Variants in SPECC1L observed in about 807,000 individuals in gnomAD.
SPECC1L encodes sperm antigen with calponin homology and coiled-coil domains 1 like, also known as cytospin-A.
In SPECC1L, 40 loss-of-function variants were observed where a neutral mutation model predicts 116.8. The observed-to-expected ratio is 0.34, with a 90% confidence interval of 0.27 to 0.45. The LOEUF is 0.45. Among genes scored for constraint, SPECC1L ranks in the 20% least tolerant of loss-of-function variants. SPECC1L has a pLI of 1.00. For synonymous variants in SPECC1L, 504 were observed against 500.6 expected (o/e 1.01, Z -0.09); for missense variants, 1,110 against 1,373.6 (o/e 0.81, Z 3.03).
intron 4 of SPECC1L, among the ~76,000 whole-genome samples, chr22:24,315,310 C>T (rs2146448699): frequency 6.6e-6 from 1 of 152,370 alleles, no homozygotes; most frequent in East Asian, 1.9e-4. Context: ...TTCTGATTTA[C>T]AGGCATGATT....
chr22:24,414,486 C>T, intron 16 of SPECC1L, 48 bp from the exon 17 acceptor site: 2 of 1,541,152 alleles, frequency 1.3e-6, no homozygotes, highest in Non-Finnish European at 1.8e-6. Context: ...ATTGGCACAG[C>T]CTGGAGGTGA....
At chr22:24,346,279 T>TA (rs749900048) in intron 10 of SPECC1L, among the ~76,000 whole-genome samples, 1 of 152,148 alleles carries the variant, frequency 6.6e-6, no homozygotes, top group African/African-American at 2.4e-5. Context: ...GTGCTGGGAT[T>TA]AAGGCATGAG....
At chr22:24,285,304 C>T (rs758186047) in intron 2 of SPECC1L, among the ~76,000 whole-genome samples, 1 of 152,212 alleles carries the variant, frequency 6.6e-6, no homozygotes, top group Non-Finnish European at 1.5e-5. Context: ...TACTGTAATT[C>T]TGTGGGCTGA....
Position 24,322,021 on chromosome 22 carries a change from T to C in SPECC1L, c.1041T>C (p.Ser347=), listed in dbSNP as rs200756643. 2.1e-5 allele frequency: 34 copies of C among 1,614,034 alleles called. No homozygotes were observed. Among genetic ancestry groups the C allele is most frequent in the Non-Finnish European group, 2.8e-5 (33 of 1,180,024 alleles). ...QHSNSMDNLD[S]ECSEVYQPLT... is the part of the protein sequence containing the mutation. Reference sequence around the variant, plus strand: ...GTAACTCCATGGACAATTTAGACAGTGAGTGCAGTGAGGTCTACCAGCCCC... The same window carrying C: ...GTAACTCCATGGACAATTTAGACAGCGAGTGCAGTGAGGTCTACCAGCCCC... The change falls in exon 5 of 17, where the codon AGT becomes AGC. Residue 347 remains serine (S), a synonymous_variant. Coordinates refer to ENST00000314328, the MANE Select transcript of SPECC1L (RefSeq NM_015330.6).
At chr22:24,363,211 T>TA in intron 11 of SPECC1L, 50 bp from the exon 12 acceptor site, 1 of 1,504,442 alleles carries the variant, frequency 6.6e-7, no homozygotes, top group Non-Finnish European at 9.3e-7. Context: ...TTTATTACTT[T>TA]AAAGTTCAGC....
chr22:24,343,928 TC>T (rs1237576013), intron 10 of SPECC1L, among the ~76,000 whole-genome samples: 1 of 152,202 alleles, frequency 6.6e-6, no homozygotes, highest in Non-Finnish European at 1.5e-5. Flanking sequence ...CTTTACAACT[TC>T]CTGGGAATCC....
At chr22:24,361,227 A>G (rs2041636454) in intron 11 of SPECC1L, among the ~76,000 whole-genome samples, 1 of 151,974 alleles carries the variant, frequency 6.6e-6, no homozygotes, top group South Asian at 2.1e-4. Context: ...GTGAGACCTC[A>G]TCTCTGCAAA....
At chr22:24,314,508 T>G (rs1472419776) in intron 4 of SPECC1L, among the ~76,000 whole-genome samples, 2 of 152,258 alleles carry the variant, frequency 1.3e-5, no homozygotes, top group Non-Finnish European at 2.9e-5. Context: ...TATATTTGGA[T>G]CAGGACTCAT....
chr22:24,340,362 G>C (rs1456290950), intron 10 of SPECC1L, among the ~76,000 whole-genome samples: 1 of 151,920 alleles, frequency 6.6e-6, no homozygotes, highest in East Asian at 1.9e-4. Context: ...GGCCAAGCTG[G>C]TCTCAAATTC....
At chr22:24,347,259 T>G in intron 11 of SPECC1L, 83 bp downstream of exon 11, 1 of 993,332 alleles carries the variant, frequency 1.0e-6, no homozygotes, top group Non-Finnish European at 1.6e-6. Flanking sequence ...AATATTTTCT[T>G]TGCTCTTGAT....
chr22:24,278,013 G>A (rs567050274), intron 2 of SPECC1L, among the ~76,000 whole-genome samples: 44 of 152,220 alleles, frequency 2.9e-4, no homozygotes, highest in African/African-American at 6.7e-4. Flanking sequence ...AGGATTCCAC[G>A]TTCTCCACTT....
chr22:24,411,495 C>T, intron 14 of SPECC1L, 93 bp from the exon 15 acceptor site: 3 of 1,148,038 alleles, frequency 2.6e-6, no homozygotes, highest in Admixed American at 3.4e-5. Context: ...TTTTGGAGGC[C>T]ATGCAGCATC....
chr22:24,390,872 C>CTTTTTTTTTTTTTT lies in SPECC1L; in HGVS notation c.3088-20703_3088-20690dup, dbSNP rs1016008966. Among the ~76,000 whole-genome samples the CTTTTTTTTTTTTTT allele has an allele frequency of 1.2e-3, 67 of 57,106 alleles. 1 individual carries two copies. Among genetic ancestry groups the CTTTTTTTTTTTTTT allele is most frequent in the East Asian group, 1.7e-3 (3 of 1,778 alleles). 37.5% of individuals were successfully genotyped at this position (57,106 alleles called of 152,430 possible). A position where few individuals can be genotyped will look rare whatever the true frequency, so the allele number is the denominator to read the frequency against. ...TGTTCCTTTTTTTTTTTTTTCTTTT[C>CTTTTTTTTTTTTTT]TTTTTTTTTTTTTTTTTTTTTTTTT... On this transcript the variant is annotated intron_variant, in intron 14 of 16. Transcript: ENST00000314328.
chr22:24,369,352 T>A, intron 14 of SPECC1L, 32 bp downstream of exon 14: 1 of 1,536,774 alleles, frequency 6.5e-7, no homozygotes, highest in Non-Finnish European at 9.0e-7. Context: ...CCCATGTGAG[T>A]AATTGGCAAA....
chr22:24,400,573 G>A (rs965420969), intron 14 of SPECC1L, among the ~76,000 whole-genome samples: 1 of 152,134 alleles, frequency 6.6e-6, no homozygotes, highest in Non-Finnish European at 1.5e-5. Flanking sequence ...TCAGTTCTTT[G>A]AAGTATAGAC....
At chr22:24,358,600 G>T (rs1422470589) in intron 11 of SPECC1L, among the ~76,000 whole-genome samples, 1 of 152,158 alleles carries the variant, frequency 6.6e-6, no homozygotes, top group Admixed American at 6.5e-5. Context: ...TTTGGACAGA[G>T]TTTGTATACA....
chr22:24,330,468 A>AT, intron 8 of SPECC1L, 37 bp downstream of exon 8: 1 of 1,607,674 alleles, frequency 6.2e-7, no homozygotes, highest in Non-Finnish European at 8.5e-7. Context: ...CTTATGTTTC[A>AT]GTAGAGAACA....
At chr22:24,318,513 AAGAGGGG>A (rs978104776) in intron 4 of SPECC1L, among the ~76,000 whole-genome samples, 1 of 152,006 alleles carries the variant, frequency 6.6e-6, no homozygotes, top group Non-Finnish European at 1.5e-5. Flanking sequence ...AGACCGTGGA[AAGAGGGG>A]AGAGGGGAGA....
At chr22:24,339,279 C>T (rs2041123593) in intron 10 of SPECC1L, among the ~76,000 whole-genome samples, 1 of 152,194 alleles carries the variant, frequency 6.6e-6, no homozygotes, top group Admixed American at 6.5e-5. Flanking sequence ...GACAGTGACA[C>T]TTCTGTCCTG....
Sources: allele counts gnomAD v4.1 joint callset (sites outside exome capture counted in the v4.1 genomes callset), GRCh38; gene constraint gnomAD v4.1.1; transcripts MANE v1.5; gene names NCBI Gene and HGNC (gene_info 2026-07-23, HGNC 2026-07-21).